Variants in CADM2 observed in about 807,000 individuals in gnomAD.
CADM2 encodes the protein immunoglobulin superfamily member 4D.
Under a neutral mutation model 49.8 loss-of-function variants are expected in CADM2, and 12 were observed. The observed-to-expected ratio is 0.24, with a 90% CI of 0.15 to 0.39. The LOEUF (loss-of-function observed/expected upper bound fraction) is 0.39, where lower values mean the gene tolerates loss of function less well. CADM2 is among the 10% of genes least tolerant of loss of function. CADM2 has a pLI of 1.00. For synonymous variants in CADM2, 214 were observed against 175.4 expected, an observed-to-expected ratio of 1.22 and a Z score of -1.74; for missense variants, 378 against 492.3, an observed-to-expected ratio of 0.77 and a Z score of 2.20.
chr3:85,330,018 G>A (rs2044873398), intron 1 of CADM2, among the ~76,000 whole-genome samples: 1 of 152,086 alleles, frequency 6.6e-6, no homozygotes, highest in South Asian at 2.1e-4. Context: ...CAATTTTTCT[G>A]ATTAAATTCA....
intron 1 of CADM2, among the ~76,000 whole-genome samples, chr3:85,259,759 T>C (rs1240288206): frequency 2.6e-5 from 4 of 152,098 alleles, no homozygotes; most frequent in Non-Finnish European, 5.9e-5. Flanking sequence ...AGTGTTTCTT[T>C]GGCTTGAATG....
At chr3:85,228,406 T>A (rs1418093544) in intron 1 of CADM2, among the ~76,000 whole-genome samples, 1 of 151,824 alleles carries the variant, frequency 6.6e-6, no homozygotes, top group Non-Finnish European at 1.5e-5. Flanking sequence ...CTTCTTCTGC[T>A]TGATTGATTT....
At chr3:85,696,201 C>T (rs1028051512) in intron 1 of CADM2, among the ~76,000 whole-genome samples, 7 of 152,082 alleles carry the variant, frequency 4.6e-5, no homozygotes, top group Non-Finnish European at 8.8e-5. Context: ...AATATTTTCT[C>T]CCAATCCACT....
intron 1 of CADM2, among the ~76,000 whole-genome samples, chr3:85,327,503 A>G (rs2044784954): frequency 6.8e-6 from 1 of 148,046 alleles, no homozygotes; most frequent in African/African-American, 2.5e-5. Context: ...TGATTGACCT[A>G]CCTCAGCCTC....
At chr3:85,835,726 A>G (rs1400492467) in intron 3 of CADM2, among the ~76,000 whole-genome samples, 1 of 146,488 alleles carries the variant, frequency 6.8e-6, no homozygotes, top group Non-Finnish European at 1.5e-5. Context: ...ATGTGTATAT[A>G]TATATATATC....
intron 1 of CADM2, among the ~76,000 whole-genome samples, chr3:85,182,125 C>T (rs186646690): frequency 8.6e-5 from 13 of 151,858 alleles, no homozygotes; most frequent in African/African-American, 2.2e-4. Flanking sequence ...AATAGAAACA[C>T]GATATATGCA....
intron 1 of CADM2, among the ~76,000 whole-genome samples, chr3:85,543,459 T>TGTGTGTGTGTGTGTGTGTGTGTGTGTGTG (rs1576764354): frequency 6.6e-6 from 1 of 151,284 alleles, no homozygotes. Context: ...TGTGTGTGTA[T>TGTGTGTGTGTGTGTGTGTGTGTGTGTGTG]TTTTAGTAGA....
chr3:85,966,568 C>T (rs571749678), intron 8 of CADM2, among the ~76,000 whole-genome samples: 5 of 151,670 alleles, frequency 3.3e-5, no homozygotes, highest in South Asian at 2.1e-4. Flanking sequence ...CCACAGATTT[C>T]GTTTTCTTTA....
At chr3:85,042,976 C>T (rs1218884724) in intron 1 of CADM2, among the ~76,000 whole-genome samples, 1 of 151,934 alleles carries the variant, frequency 6.6e-6, no homozygotes, top group Non-Finnish European at 1.5e-5. Flanking sequence ...AAAGCAGAAA[C>T]GTATTATACT....
chr3:85,636,430 C>A (rs1004150076), intron 1 of CADM2, among the ~76,000 whole-genome samples: 1 of 151,830 alleles, frequency 6.6e-6, no homozygotes, highest in Non-Finnish European at 1.5e-5. Context: ...TTATTTCAAG[C>A]AATGTGTTAT....
intron 1 of CADM2, among the ~76,000 whole-genome samples, chr3:84,974,895 T>C (rs1264654095): frequency 1.3e-5 from 2 of 151,920 alleles, no homozygotes; most frequent in Non-Finnish European, 2.9e-5. Flanking sequence ...TGATTATTAT[T>C]AGAGTCAGAA....
intron 1 of CADM2, among the ~76,000 whole-genome samples, chr3:85,342,662 C>A (rs1216653396): frequency 6.6e-6 from 1 of 152,016 alleles, no homozygotes; most frequent in Non-Finnish European, 1.5e-5. Context: ...TGTGTTTGGA[C>A]AGGCCTCTGC....
intron 1 of CADM2, among the ~76,000 whole-genome samples, chr3:85,609,346 T>C (rs533395863): frequency 1.3e-5 from 2 of 152,178 alleles, no homozygotes; most frequent in Admixed American, 1.3e-4. Context: ...TTTGACTTTA[T>C]ATCTTGACTT....
At chr3:85,499,173 G>A (rs1454281574) in intron 1 of CADM2, among the ~76,000 whole-genome samples, 1 of 152,012 alleles carries the variant, frequency 6.6e-6, no homozygotes, top group Admixed American at 6.6e-5. Flanking sequence ...AAAAAACAAA[G>A]CATACTGATG....
intron 1 of CADM2, among the ~76,000 whole-genome samples, chr3:85,321,254 C>A (rs2044606399): frequency 7.0e-6 from 1 of 143,714 alleles, no homozygotes; most frequent in African/African-American, 2.5e-5. Context: ...TTCACTGCAA[C>A]CTCTGCCTCC....
intron 1 of CADM2, among the ~76,000 whole-genome samples, chr3:85,326,827 G>A (rs1030411995): frequency 2.0e-5 from 3 of 152,088 alleles, no homozygotes; most frequent in African/African-American, 4.8e-5. Context: ...TATATGGTGG[G>A]TAGGTGGTGG....
At chr3:85,387,877 A>T (rs1388450127) in intron 1 of CADM2, among the ~76,000 whole-genome samples, 3 of 152,216 alleles carry the variant, frequency 2.0e-5, no homozygotes, top group African/African-American at 7.2e-5. Context: ...CTATAGCACC[A>T]TAAAGAATCT....
intron 1 of CADM2, among the ~76,000 whole-genome samples, chr3:85,318,916 A>G (rs2044535005): frequency 6.6e-6 from 1 of 152,174 alleles, no homozygotes; most frequent in African/African-American, 2.4e-5. Context: ...TGAATAATGT[A>G]ATTTACTTAT....
At chr3:85,195,755 A>G (rs1191968289) in intron 1 of CADM2, among the ~76,000 whole-genome samples, 2 of 152,022 alleles carry the variant, frequency 1.3e-5, no homozygotes, top group South Asian at 2.1e-4. Flanking sequence ...GCAATTTTCT[A>G]TTCAGATTTT....
Sources: allele counts gnomAD v4.1 joint callset (sites outside exome capture counted in the v4.1 genomes callset), GRCh38; gene constraint gnomAD v4.1.1; transcripts MANE v1.5; gene names NCBI Gene and HGNC (gene_info 2026-07-23, HGNC 2026-07-21).